BRIX1: variants seen among roughly 807,000 people sequenced by gnomAD.
The protein encoded by BRIX1 is biogenesis of ribosomes BRX1, also known as ribosome biogenesis protein BRX1 homolog.
BRIX1 carries 15 observed loss-of-function variants against 44.0 expected under a neutral mutation model. The observed-to-expected ratio is 0.34, with a 90% confidence interval of 0.23 to 0.53. The LOEUF is 0.53. BRIX1 is among the 20% of genes least tolerant of loss of function. BRIX1 has a pLI of 0.95. For synonymous variants in BRIX1, 149 were observed against 135.4 expected (o/e 1.10, Z -0.70); for missense variants, 420 against 432.8 (o/e 0.97, Z 0.26).
chr5:34,921,913 A>C (rs1196779739), intron 3 of BRIX1: 3 of 169,814 alleles, frequency 1.8e-5, no homozygotes, highest in East Asian at 3.1e-4. Flanking sequence ...ATCGCAAAAA[A>C]AAAAAAAAAA....
chr5:34,917,476 A>C (rs1339931307), intron 1 of BRIX1, among the ~76,000 whole-genome samples: 1 of 151,244 alleles, frequency 6.6e-6, no homozygotes, highest in African/African-American at 2.4e-5. Flanking sequence ...TACTAACACT[A>C]CAAAAAAAAA....
intron 8 of BRIX1, 42 bp downstream of exon 8, chr5:34,923,276 G>A: frequency 7.1e-7 from 1 of 1,400,858 alleles, no homozygotes. Context: ...TTTTTTAATT[G>A]AGTTTATTTA....
intron 8 of BRIX1, among the ~76,000 whole-genome samples, chr5:34,923,905 A>T (rs189466258): frequency 1.3e-5 from 2 of 152,062 alleles, no homozygotes; most frequent in Non-Finnish European, 2.9e-5. Context: ...TTTCCTAATA[A>T]GCCATTATAT....
intron 1 of BRIX1, chr5:34,916,635 T>C (rs1055912139): frequency 1.1e-4 from 17 of 152,244 alleles, no homozygotes; most frequent in African/African-American, 4.1e-4. Flanking sequence ...CTAAGAACTC[T>C]TCTTAAGCTA....
chr5:34,920,306 T>TA (rs1213235177), intron 3 of BRIX1: 1 of 152,570 alleles, frequency 6.6e-6, no homozygotes, highest in Non-Finnish European at 1.5e-5. Flanking sequence ...ATTAAGGTAT[T>TA]ACAAACTGAA....
chr5:34,924,316 C>G (rs1764305641), intron 8 of BRIX1, among the ~76,000 whole-genome samples: 3 of 152,338 alleles, frequency 2.0e-5, no homozygotes, highest in Admixed American at 2.0e-4. Flanking sequence ...TTGAACACAT[C>G]ATCCTAACCT....
At chr5:34,922,410 C>A in intron 4 of BRIX1, 123 bp downstream of exon 4, 2 of 895,808 alleles carry the variant, frequency 2.2e-6, no homozygotes, top group Non-Finnish European at 3.5e-6. Flanking sequence ...CTTTTGATTT[C>A]ACGAAACTTG....
At chr5:34,922,411 A>G in intron 4 of BRIX1, 124 bp downstream of exon 4, 1 of 890,808 alleles carries the variant, frequency 1.1e-6, no homozygotes, top group South Asian at 1.7e-5. Flanking sequence ...TTTTGATTTC[A>G]CGAAACTTGA....
At chr5:34,924,817 C>T in intron 8 of BRIX1, 30 bp from the exon 9 acceptor site, 1 of 1,543,814 alleles carries the variant, frequency 6.5e-7, no homozygotes, top group Non-Finnish European at 8.9e-7. Context: ...CGTAACCAAA[C>T]CAAAATGAAA....
intron 8 of BRIX1, 150 bp downstream of exon 8, chr5:34,923,384 T>G (rs1267021773): frequency 1.6e-6 from 1 of 627,650 alleles, no homozygotes; most frequent in Non-Finnish European, 2.8e-6. Context: ...GGTTCAAGCT[T>G]CTGCTCCCTC....
At chr5:34,918,817 C>CTTTTTTTTTTTTTT (rs34618448) in intron 2 of BRIX1, 1 of 132,332 alleles carries the variant, frequency 7.6e-6, no homozygotes. Flanking sequence ...CTTTTTGGGC[C>CTTTTTTTTTTTTTT]TTTTTTTTTT....
intron 1 of BRIX1, chr5:34,916,704 A>C (rs950632125): frequency 2.0e-5 from 3 of 152,252 alleles, no homozygotes; most frequent in African/African-American, 7.2e-5. Context: ...CTCCGCACTT[A>C]GCATAGTACT....
chr5:34,916,291 C>G (rs546779706), intron 1 of BRIX1: 1 of 156,572 alleles, frequency 6.4e-6, no homozygotes, highest in African/African-American at 2.4e-5. Context: ...GTCAGCCACT[C>G]TCAGTCAGGG....
intron 9 of BRIX1, 77 bp from the exon 10 acceptor site, chr5:34,925,149 A>T (rs1764345951): frequency 1.4e-6 from 2 of 1,461,142 alleles, no homozygotes; most frequent in South Asian, 1.4e-5. Context: ...TATATGGTTC[A>T]TAACTGAAAG....
intron 1 of BRIX1, chr5:34,916,240 T>C (rs1764085195): frequency 5.4e-6 from 1 of 185,832 alleles, no homozygotes; most frequent in South Asian, 1.3e-4. Context: ...TATTTCTCGC[T>C]ATTATTTCTC....
chr5:34,919,933 G>A, intron 3 of BRIX1, 50 bp downstream of exon 3: 4 of 687,006 alleles, frequency 5.8e-6, no homozygotes, highest in Non-Finnish European at 7.4e-6. Context: ...TGTTAACAGT[G>A]GCTTATTTCA....
Position 34,918,454 on chromosome 5 carries a change from T to C in BRIX1, c.250T>C (p.Leu84=), listed in dbSNP as rs1198689807. The C allele has an allele frequency of 2.5e-6, 4 of 1,604,996 alleles. No homozygotes were observed. Among genetic ancestry groups the C allele is most frequent in the Non-Finnish European group, 3.4e-6 (4 of 1,174,208 alleles). ...ACATTTAATGCAGGACTTGAGAATG[T>C]TGATGCCTCATTCTAAAGCAGGTGC... ...TRHLMQDLRM[L]MPHSKADTKM... The change falls in exon 2 of 10, where the codon TTG becomes CTG. Residue 84 remains leucine, a synonymous_variant. Coordinates refer to ENST00000336767, the MANE Select transcript of BRIX1 (RefSeq NM_018321.4).
At chr5:34,920,223 C>CGT in intron 3 of BRIX1, 1 of 159,724 alleles carries the variant, frequency 6.3e-6, no homozygotes, top group African/African-American at 2.4e-5. Flanking sequence ...GTCCATTAAA[C>CGT]ATATATATAT....
At chr5:34,923,430 A>G in intron 8 of BRIX1, 196 bp downstream of exon 8, 1 of 575,178 alleles carries the variant, frequency 1.7e-6, no homozygotes, top group Non-Finnish European at 3.1e-6. Context: ...AGCACCCATC[A>G]TCACGCCTGG....
Sources: gnomAD v4.1 joint callset for allele counts (sites outside exome capture counted in the v4.1 genomes callset) on GRCh38, gnomAD v4.1.1 for gene constraint, MANE v1.5 for transcripts, NCBI Gene and HGNC (gene_info 2026-07-23, HGNC 2026-07-21) for gene names.